The following DIP2A variants were observed in gnomAD, a reference collection of about 807,000 sequenced individuals.
DIP2A encodes disco-interacting protein 2 homolog A.
A neutral mutation model predicts 177.4 loss-of-function variants in DIP2A; 85 were observed. That is an observed-to-expected ratio of 0.48 (90% CI 0.40 to 0.57). The LOEUF (loss-of-function observed/expected upper bound fraction) is 0.57, where lower values mean the gene tolerates loss of function less well. DIP2A is among the 20% of genes least tolerant of loss of function. The pLI is 0.00. For missense variants in DIP2A, 1,791 were observed against 2,100.2 expected (o/e 0.85, Z 2.88); for synonymous variants, 886 against 881.8 (o/e 1.00, Z -0.08).
chr21:46,575,872 T>A, the DIP2A span, among the ~76,000 whole-genome samples: 1 of 152,218 alleles, frequency 6.6e-6, no homozygotes, highest in Non-Finnish European at 1.5e-5. Flanking sequence ...ATTCTAATTA[T>A]GGTTTTTGCA....
At chr21:46,515,462 T>TA (rs2058529322) in intron 8 of DIP2A, among the ~76,000 whole-genome samples, 1 of 151,708 alleles carries the variant, frequency 6.6e-6, no homozygotes. Flanking sequence ...CTTTTTTTTT[T>TA]TTTATATATT....
intron 32 of DIP2A, 29 bp from the exon 33 acceptor site, chr21:46,560,693 C>T (rs377438725): frequency 1.3e-5 from 21 of 1,594,780 alleles, no homozygotes; most frequent in Non-Finnish European, 1.7e-5. Context: ...GGCCCCTGAA[C>T]AGAAGTTCCT....
chr21:46,558,445 G>A, intron 32 of DIP2A, 52 bp downstream of exon 32: 1 of 1,533,970 alleles, frequency 6.5e-7, no homozygotes, highest in Non-Finnish European at 8.8e-7. Context: ...GCAGCATGGA[G>A]ACCCAGTTTC....
In DIP2A at chr21:46,550,496, C is replaced by G. The variant is rs761254670; in HGVS notation, c.2638-47C>G. 7.6e-6 allele frequency: 12 copies of G among 1,569,928 alleles called. No homozygotes were observed. In the South Asian group the frequency reaches 1.4e-4, roughly 18 times the overall value. ...TCCTGTCCCCCACCCAGCATCTCCCCAGCCTCAAGTTGGGGGCCTGTGCCA... is the reference window on the plus strand; with the variant it reads ...TCCTGTCCCCCACCCAGCATCTCCCGAGCCTCAAGTTGGGGGCCTGTGCCA... On this transcript the variant is annotated intron_variant, in intron 22 of 37. Coordinates refer to ENST00000417564, the MANE Select transcript of DIP2A (RefSeq NM_015151.4).
At chr21:46,483,421 A>C (rs2056483399) in intron 1 of DIP2A, among the ~76,000 whole-genome samples, 1 of 151,056 alleles carries the variant, frequency 6.6e-6, no homozygotes, top group African/African-American at 2.4e-5. Context: ...GATAAGCATG[A>C]GAGGCTTGGG....
intron 3 of DIP2A, among the ~76,000 whole-genome samples, chr21:46,495,244 T>TTCTCTTC: frequency 2.6e-5 from 1 of 38,176 alleles, no homozygotes; most frequent in Non-Finnish European, 4.9e-5. Context: ...CTTCTCTTCT[T>TTCTCTTC]TCTCTCTCTC....
At chr21:46,554,527 G>A in intron 26 of DIP2A, 48 bp from the exon 27 acceptor site, 2 of 1,597,134 alleles carry the variant, frequency 1.3e-6, no homozygotes, top group Non-Finnish European at 1.7e-6. Flanking sequence ...GAGGCTGGTG[G>A]GAGCCTCTTG....
chr21:46,459,061 C>A lies in DIP2A; in HGVS notation c.-71C>A. On this transcript the variant is annotated 5_prime_UTR_variant, in exon 1 of 38. Transcript: ENST00000417564. ...TGTTGGCCTGAGGGGAGCTACGTAG[C>A]CGAGGTTTGCGCTGCCGCCGCCAGG... The A allele has an allele frequency of 7.8e-7, 1 of 1,289,746 alleles. No individual in the cohort carries two copies. Among genetic ancestry groups the A allele is most frequent in the Non-Finnish European group, 1.0e-6 (1 of 987,448 alleles). The allele number at this position is 1,289,746 out of a possible 1,614,324, so 79.9% of individuals were successfully genotyped here.
rs1219569354 is a variant in DIP2A at position 46,563,967 on chromosome 21, C to G, written c.4164+35C>G. ...GGCCCATGGGAGGGGCTTGAGCTCT[C>G]CAGCCTCACCAGCTTCACCTTCCTT... is the stretch of plus-strand genomic sequence containing the variant. On this transcript the variant is annotated intron_variant, in intron 35 of 37. Transcript: ENST00000417564. This position sits in a 1 kb window ranked among gnomAD's most constrained non-coding sequence, Gnocchi z 4.3. 8 of 1,584,232 alleles carry G rather than the reference C, an allele frequency of 5.0e-6. No individual in the cohort carries two copies. The highest frequency in any genetic ancestry group is 6.9e-6 in the Non-Finnish European group (8 of 1,167,726).
In DIP2A at chr21:46,538,551, G is replaced by A. The variant is rs768497420; in HGVS notation, c.1870G>A (p.Val624Ile). Reference sequence around the variant, plus strand: ...CCTAGCTCAGCGGGGCCAGAGGGACGTCAGCCTCAGCTCACTGCGCATGCT... The same window carrying A: ...CCTAGCTCAGCGGGGCCAGAGGGACATCAGCCTCAGCTCACTGCGCATGCT... ...SLLAQRGQRD[V>I]SLSSLRMLIV... The change falls in exon 16 of 38, where the codon GTC becomes ATC. Residue 624 changes from valine (V) to isoleucine (I), a missense_variant. By Grantham distance (29) the Val-to-Ile change is conservative. Coordinates refer to ENST00000417564, the MANE Select transcript of DIP2A (RefSeq NM_015151.4). The A allele has an allele frequency of 8.3e-6, 13 of 1,564,660 alleles. No homozygotes were observed. The highest frequency in any genetic ancestry group is 3.7e-5 in the Admixed American group (2 of 53,518).
At chr21:46,547,227 A>G in intron 21 of DIP2A, 185 bp downstream of exon 21, 3 of 1,390,496 alleles carry the variant, frequency 2.2e-6, no homozygotes, top group South Asian at 1.6e-5. Flanking sequence ...TAATATCCTT[A>G]CTGTCCAAAG....
chr21:46,529,887 A>C (rs2059283737), intron 9 of DIP2A, among the ~76,000 whole-genome samples: 1 of 152,212 alleles, frequency 6.6e-6, no homozygotes, highest in Non-Finnish European at 1.5e-5. Context: ...CCTATCTGCC[A>C]AAATAGGATG....
chr21:46,464,894 G>C (rs2054677030), intron 1 of DIP2A, among the ~76,000 whole-genome samples: 1 of 135,932 alleles, frequency 7.4e-6, no homozygotes, highest in African/African-American at 2.9e-5. Context: ...AAGTTCTCCT[G>C]GAACAGCATG....
chr21:46,578,661 G>GTGAAGGGATGTTGAATTTTAT, the DIP2A span, among the ~76,000 whole-genome samples: 1 of 152,128 alleles, frequency 6.6e-6, no homozygotes, highest in Admixed American at 6.6e-5. Flanking sequence ...AAGTATTAAT[G>GTGAAGGGATGTTGAATTTTAT]TGAAGGGATG....
chr21:46,555,565 G>A (rs761629211), intron 28 of DIP2A: 1 of 207,658 alleles, frequency 4.8e-6, no homozygotes, highest in Non-Finnish European at 9.9e-6. Flanking sequence ...GGCTCATGGG[G>A]CCACGAGAAC....
chr21:46,525,187 C>T (rs940006693), intron 8 of DIP2A, among the ~76,000 whole-genome samples: 1 of 636 alleles, frequency 1.6e-3, no homozygotes. Flanking sequence ...ATGCCTGGCC[C>T]GATTTTTGCT....
Position 46,563,880 on chromosome 21 carries a change from T to G in DIP2A, c.4112T>G (p.Ile1371Ser), listed in dbSNP as rs762345432. 1.5e-5 allele frequency: 25 copies of G among 1,613,334 alleles called. No individual in the cohort carries two copies. Among genetic ancestry groups the G allele is most frequent in the Non-Finnish European group, 1.9e-5 (22 of 1,179,750 alleles). ...SGKILPGVKV[I>S]IAHTETKGPL... The stretch of plus-strand genomic sequence containing the variant: ...CAGATCCTCCCCGGCGTGAAGGTCA[T>G]CATCGCACACACCGAGACCAAAGGA... The change falls in exon 35 of 38, where the codon ATC (isoleucine) becomes AGC (serine). Residue 1371 changes from isoleucine to serine, a missense_variant. Physicochemically the swap from Ile to Ser is moderately radical, Grantham distance 142. Transcript: ENST00000417564. This position sits in a 1 kb window ranked among gnomAD's most constrained non-coding sequence, Gnocchi z 4.3.
intron 2 of DIP2A, among the ~76,000 whole-genome samples, chr21:46,488,268 A>G (rs1297349777): frequency 6.6e-6 from 1 of 152,204 alleles, no homozygotes; most frequent in Non-Finnish European, 1.5e-5. Context: ...AGTTCTAAAT[A>G]TGTTTTTAAT....
At chr21:46,524,006 A>G (rs963501924) in intron 8 of DIP2A, among the ~76,000 whole-genome samples, 13 of 152,226 alleles carry the variant, frequency 8.5e-5, no homozygotes, top group Admixed American at 8.5e-4. Flanking sequence ...GCGACGCTGA[A>G]TCAAAAGTTC....
Sources: allele counts gnomAD v4.1 joint callset (sites outside exome capture counted in the v4.1 genomes callset), GRCh38; gene constraint gnomAD v4.1.1; non-coding constraint Gnocchi (gnomAD v3.1); transcripts MANE v1.5; gene names NCBI Gene and HGNC (gene_info 2026-07-23, HGNC 2026-07-21).